Variants in KIF26B observed in about 807,000 individuals in gnomAD.
The protein encoded by KIF26B is kinesin family member 26B.
A neutral mutation model predicts 151.2 loss-of-function variants in KIF26B; 63 were observed. The ratio of observed to expected loss-of-function variants is 0.42; its 90% CI spans 0.34 to 0.51. The LOEUF is 0.51. Ranked by LOEUF, KIF26B falls within the 20% of genes least tolerant of loss-of-function variation. The pLI is 0.07. For synonymous variants in KIF26B, 1,357 were observed against 1,262.1 expected (o/e 1.08, Z -1.59); for missense variants, 2,813 against 2,913.6 (o/e 0.97, Z 0.79).
intron 5 of KIF26B, among the ~76,000 whole-genome samples, chr1:245,573,458 G>T (rs1385597022): frequency 6.6e-6 from 1 of 152,162 alleles, no homozygotes; most frequent in Admixed American, 6.5e-5. Context: ...AGGAGGTGGA[G>T]GTTGCAGTGA....
At chr1:245,366,734 T>G in intron 2 of KIF26B, 100 bp from the exon 3 acceptor site, 4 of 1,137,696 alleles carry the variant, frequency 3.5e-6, no homozygotes, top group Non-Finnish European at 5.0e-6. Context: ...TCCAACTCTT[T>G]GAGTACGTCT....
At chr1:245,660,121 GTA>G (rs1315339237) in intron 10 of KIF26B, among the ~76,000 whole-genome samples, 1 of 151,648 alleles carries the variant, frequency 6.6e-6, no homozygotes, top group Admixed American at 6.6e-5. Context: ...CAAGATGCAG[GTA>G]TAGATTCCTA....
intron 4 of KIF26B, among the ~76,000 whole-genome samples, chr1:245,432,390 T>C (rs965790976): frequency 6.6e-6 from 1 of 152,154 alleles, no homozygotes; most frequent in African/African-American, 2.4e-5. Flanking sequence ...TGGGAGTACC[T>C]GGTTGTCATT....
At chr1:245,312,816 T>C (rs1307756257) in intron 2 of KIF26B, among the ~76,000 whole-genome samples, 2 of 152,168 alleles carry the variant, frequency 1.3e-5, no homozygotes, top group Non-Finnish European at 2.9e-5. Context: ...GAGATACTAA[T>C]GCAAAAACAC....
Position 245,244,389 on chromosome 1 carries a change from G to A in KIF26B, c.465+87706G>A, listed in dbSNP as rs1670274615. Among the ~76,000 whole-genome samples, 1 of 152,082 alleles carries A rather than the reference G, an allele frequency of 6.6e-6. No homozygotes were observed. The highest frequency in any genetic ancestry group is 2.4e-5 in the African/African-American group (1 of 41,410). ...AATATGGAATGACGTCTTGCATATT[G>A]TCATGATATGTAGTGGGTGGGTAAA... On this transcript the variant is annotated intron_variant, in intron 2 of 14. Transcript: ENST00000407071. The surrounding 1 kb of genome is among the most constrained non-coding windows in gnomAD (Gnocchi z 4.2).
intron 10 of KIF26B, among the ~76,000 whole-genome samples, chr1:245,664,422 G>T (rs1279639731): frequency 1.3e-5 from 2 of 150,616 alleles, no homozygotes; most frequent in African/African-American, 4.9e-5. Flanking sequence ...TAGGAACCCA[G>T]CCTATCATAT....
At chr1:245,201,991 A>G (rs533458435) in intron 2 of KIF26B, among the ~76,000 whole-genome samples, 4 of 152,332 alleles carry the variant, frequency 2.6e-5, no homozygotes, top group Admixed American at 2.6e-4. Context: ...ATTTAAAGGC[A>G]GGAGGCCTGT....
intron 4 of KIF26B, among the ~76,000 whole-genome samples, chr1:245,484,401 G>A (rs1357094847): frequency 1.3e-5 from 2 of 151,754 alleles, no homozygotes; most frequent in African/African-American, 4.8e-5. Flanking sequence ...TGATTGTGAG[G>A]AGTCAGACTC....
intron 10 of KIF26B, among the ~76,000 whole-genome samples, chr1:245,669,508 T>C (rs1340314599): frequency 6.6e-6 from 1 of 152,134 alleles, no homozygotes; most frequent in Non-Finnish European, 1.5e-5. Flanking sequence ...AGTTCACAAA[T>C]GGGCAGAGGA....
At chr1:245,664,036 C>T (rs1175466069) in intron 10 of KIF26B, among the ~76,000 whole-genome samples, 1 of 152,042 alleles carries the variant, frequency 6.6e-6, no homozygotes, top group Admixed American at 6.6e-5. Flanking sequence ...GATTCTTTAC[C>T]TTTTTGCAGG....
At chr1:245,374,175 C>T (rs1399853827) in intron 3 of KIF26B, among the ~76,000 whole-genome samples, 2 of 115,070 alleles carry the variant, frequency 1.7e-5, no homozygotes, top group Non-Finnish European at 3.4e-5. Flanking sequence ...CCAACCTCAA[C>T]ATATATCAAG....
chr1:245,463,358 T>C (rs1292373640), intron 4 of KIF26B, among the ~76,000 whole-genome samples: 1 of 152,176 alleles, frequency 6.6e-6, no homozygotes, highest in East Asian at 1.9e-4. Context: ...CCAGGATTCA[T>C]GCAATGGTGT....
intron 5 of KIF26B, among the ~76,000 whole-genome samples, chr1:245,556,463 C>T (rs747176370): frequency 3.3e-5 from 5 of 151,962 alleles, no homozygotes; most frequent in Admixed American, 6.6e-5. Context: ...GTGGCGTGAA[C>T]GAACACAGCT....
intron 2 of KIF26B, among the ~76,000 whole-genome samples, chr1:245,328,560 G>A (rs906626886): frequency 6.6e-6 from 1 of 152,088 alleles, no homozygotes; most frequent in Non-Finnish European, 1.5e-5. Flanking sequence ...TGTGGTTTGC[G>A]GAATTCCTAG....
intron 3 of KIF26B, among the ~76,000 whole-genome samples, chr1:245,405,263 G>C (rs1268488425): frequency 6.6e-6 from 1 of 152,176 alleles, no homozygotes; most frequent in African/African-American, 2.4e-5. Context: ...TAAGGGATCC[G>C]AACCTCCAAA....
intron 3 of KIF26B, among the ~76,000 whole-genome samples, chr1:245,407,122 G>A (rs1303172601): frequency 6.6e-6 from 1 of 152,164 alleles, no homozygotes; most frequent in Admixed American, 6.5e-5. Flanking sequence ...AAGAAAGAGG[G>A]TGGCTCAATT....
rs570709120 is a variant in KIF26B, at chr1:245,527,678, C to T, written c.1167-13089C>T. Among the ~76,000 whole-genome samples, 328 of 151,140 alleles carry T rather than the reference C, an allele frequency of 2.2e-3. 1 individual carries two copies. The highest frequency in any genetic ancestry group is 3.4e-3 in the Middle Eastern group (1 of 294). On this transcript the variant is annotated intron_variant, in intron 4 of 14. Transcript: ENST00000407071. Reference sequence around the variant, plus strand: ...CCTCCCGAGTAGCTGGGACTACAGGCGCCTGCAACCACGCCCGGCTAATTT... The same window carrying T: ...CCTCCCGAGTAGCTGGGACTACAGGTGCCTGCAACCACGCCCGGCTAATTT...
chr1:245,467,632 T>C (rs1093925), intron 4 of KIF26B, among the ~76,000 whole-genome samples: 123,770 of 152,096 alleles, frequency 0.81, 50,597 homozygotes, highest in African/African-American at 0.88. Flanking sequence ...CGGTGGCTCA[T>C]GCCTGTAATC....
chr1:245,623,026 GTTTTTTTTTTTT>G (rs56666383), intron 9 of KIF26B, among the ~76,000 whole-genome samples: 15 of 111,872 alleles, frequency 1.3e-4, no homozygotes, highest in South Asian at 3.3e-4. Context: ...TCGTGAGCAA[GTTTTTTTTTTTT>G]TTTTTTTTTT....
Sources: allele counts gnomAD v4.1 joint callset (sites outside exome capture counted in the v4.1 genomes callset), GRCh38; gene constraint gnomAD v4.1.1; non-coding constraint Gnocchi (gnomAD v3.1); transcripts MANE v1.5; gene names NCBI Gene and HGNC (gene_info 2026-07-23, HGNC 2026-07-21).